Variants in KCNH5 observed in about 807,000 individuals in gnomAD.
The protein encoded by KCNH5 is voltage-gated delayed rectifier potassium channel KCNH5.
A neutral mutation model predicts 96.1 loss-of-function variants in KCNH5; 46 were observed. That is an observed-to-expected ratio of 0.48 (90% CI 0.38 to 0.61). The LOEUF is 0.61. Among genes scored for constraint, KCNH5 ranks in the 20% least tolerant of loss-of-function variants. The probability of loss-of-function intolerance (pLI) is 0.00; values close to 1 mark genes in which losing one functional copy is unlikely to be tolerated. For synonymous variants in KCNH5, 439 were observed against 449.8 expected, an observed-to-expected ratio of 0.98 and a Z score of 0.30; for missense variants, 907 against 1,225.8, an observed-to-expected ratio of 0.74 and a Z score of 3.88.
At chr14:62,959,154 A>C (rs1351631137) in intron 6 of KCNH5, among the ~76,000 whole-genome samples, 2 of 152,046 alleles carry the variant, frequency 1.3e-5, no homozygotes, top group Non-Finnish European at 2.9e-5. Context: ...CAAACATACA[A>C]AAAAACAGGT....
intron 6 of KCNH5, among the ~76,000 whole-genome samples, chr14:62,960,758 C>T (rs1054045202): frequency 5.3e-5 from 8 of 152,138 alleles, no homozygotes; most frequent in Non-Finnish European, 2.9e-5. Flanking sequence ...TCAGAATTCA[C>T]TGCTCCAACT....
chr14:62,810,961 G>A (rs1886861439), intron 8 of KCNH5, among the ~76,000 whole-genome samples: 1 of 152,052 alleles, frequency 6.6e-6, no homozygotes, highest in African/African-American at 2.4e-5. Flanking sequence ...GACCACAGAA[G>A]GGACTGTAGT....
chr14:62,822,630 T>G (rs575987771), intron 8 of KCNH5, among the ~76,000 whole-genome samples: 1 of 149,912 alleles, frequency 6.7e-6, no homozygotes, highest in African/African-American at 2.5e-5. Flanking sequence ...ATACACATTT[T>G]CAAAAATGTA....
chr14:62,910,498 A>G (rs1226379549), intron 7 of KCNH5, among the ~76,000 whole-genome samples: 1 of 152,246 alleles, frequency 6.6e-6, no homozygotes, highest in Non-Finnish European at 1.5e-5. Context: ...ACTAGCACTA[A>G]GTTATGTAAC....
At chr14:62,874,543 A>G (rs1040013392) in intron 7 of KCNH5, among the ~76,000 whole-genome samples, 2 of 152,068 alleles carry the variant, frequency 1.3e-5, no homozygotes, top group African/African-American at 4.8e-5. Flanking sequence ...CAATATACGC[A>G]AATCAATAAA....
At chr14:63,037,090 C>T (rs1891734968) in intron 1 of KCNH5, among the ~76,000 whole-genome samples, 2 of 152,142 alleles carry the variant, frequency 1.3e-5, no homozygotes, top group Non-Finnish European at 1.5e-5. Context: ...ATAATAACTA[C>T]TGGCATGATA....
In KCNH5 at chr14:62,706,208, G is replaced by A. The variant is rs117367728; in HGVS notation, c.*1300C>T. ...TCAAAAGACTAAAATTCAGTCTTTA[G>A]TATCCCCCTTTCACAAATGGACCTG... On this transcript the variant is annotated 3_prime_UTR_variant, in exon 11 of 11. Coordinates refer to ENST00000322893, the MANE Select transcript of KCNH5 (RefSeq NM_139318.5). 2 of 152,034 alleles carry A rather than the reference G, an allele frequency of 1.3e-5. No individual in the cohort carries two copies. The highest frequency in any genetic ancestry group is 2.9e-5 in the Non-Finnish European group (2 of 67,946). 9.4% of individuals were successfully genotyped at this position (152,034 alleles called of 1,614,324 possible). A position where few individuals can be genotyped will look rare whatever the true frequency, so the allele number is the denominator to read the frequency against.
At chr14:62,873,040 C>T (rs926115232) in intron 7 of KCNH5, among the ~76,000 whole-genome samples, 7 of 151,546 alleles carry the variant, frequency 4.6e-5, no homozygotes, top group African/African-American at 1.7e-4. Context: ...GTCCCAGCTA[C>T]TCAGGAGGCT....
At chr14:62,933,580 C>T (rs1342859056) in intron 7 of KCNH5, among the ~76,000 whole-genome samples, 4 of 151,832 alleles carry the variant, frequency 2.6e-5, no homozygotes, top group African/African-American at 9.7e-5. Flanking sequence ...AGTCAACAGA[C>T]AATGACTAAA....
intron 6 of KCNH5, among the ~76,000 whole-genome samples, chr14:62,974,025 G>T (rs1890457263): frequency 6.6e-6 from 1 of 152,152 alleles, no homozygotes; most frequent in Non-Finnish European, 1.5e-5. Context: ...AAAGTGAAAT[G>T]ATGCATGTGG....
At chr14:62,966,972 A>G (rs1314196525) in intron 6 of KCNH5, among the ~76,000 whole-genome samples, 1 of 152,176 alleles carries the variant, frequency 6.6e-6, no homozygotes, top group Admixed American at 6.5e-5. Flanking sequence ...TTACCGTGGT[A>G]AGCAATAAAT....
At chr14:62,863,375 T>C (rs1419401694) in intron 7 of KCNH5, among the ~76,000 whole-genome samples, 1 of 152,146 alleles carries the variant, frequency 6.6e-6, no homozygotes, top group East Asian at 1.9e-4. Flanking sequence ...TCTGAAGAGA[T>C]GGAAGACAAA....
chr14:62,982,275 A>G (rs1890624247), intron 5 of KCNH5, among the ~76,000 whole-genome samples: 1 of 152,084 alleles, frequency 6.6e-6, no homozygotes, highest in Non-Finnish European at 1.5e-5. Context: ...GTTGCAGTAA[A>G]CTGAGATTGT....
chr14:62,752,977 A>C (rs1885536210), intron 10 of KCNH5, among the ~76,000 whole-genome samples: 1 of 152,188 alleles, frequency 6.6e-6, no homozygotes, highest in Non-Finnish European at 1.5e-5. Context: ...ACAGACTAAT[A>C]CAATGACTTC....
intron 1 of KCNH5, among the ~76,000 whole-genome samples, chr14:63,024,708 A>C (rs1891493734): frequency 1.3e-5 from 2 of 152,230 alleles, no homozygotes; most frequent in East Asian, 3.9e-4. Flanking sequence ...GCCTACCAAG[A>C]CTAAATCATG....
chr14:62,762,727 C>G (rs2139957537), intron 10 of KCNH5, among the ~76,000 whole-genome samples: 1 of 150,988 alleles, frequency 6.6e-6, no homozygotes, highest in Non-Finnish European at 1.5e-5. Flanking sequence ...CAAACAAACA[C>G]AGAGGTGGCT....
At chr14:62,893,325 G>T (rs1282435233) in intron 7 of KCNH5, among the ~76,000 whole-genome samples, 1 of 152,174 alleles carries the variant, frequency 6.6e-6, no homozygotes, top group Non-Finnish European at 1.5e-5. Flanking sequence ...TTTTAATTCT[G>T]CAGTGAATTC....
chr14:62,763,457 G>A (rs1566652814), intron 10 of KCNH5, among the ~76,000 whole-genome samples: 3 of 152,050 alleles, frequency 2.0e-5, no homozygotes, highest in African/African-American at 7.2e-5. Flanking sequence ...AATTAACAAT[G>A]TAATATCACA....
chr14:62,819,858 A>G (rs1566671316), intron 8 of KCNH5, among the ~76,000 whole-genome samples: 1 of 152,216 alleles, frequency 6.6e-6, no homozygotes, highest in Non-Finnish European at 1.5e-5. Flanking sequence ...AAAAATTATT[A>G]CTGTTACTTT....
Sources: gnomAD v4.1 joint callset for allele counts (sites outside exome capture counted in the v4.1 genomes callset) on GRCh38, gnomAD v4.1.1 for gene constraint, MANE v1.5 for transcripts, NCBI Gene and HGNC (gene_info 2026-07-23, HGNC 2026-07-21) for gene names.